The following JADE2 variants were observed in gnomAD, a reference collection of about 807,000 sequenced individuals.
The protein encoded by JADE2 is jade family PHD finger 2, also known as E3 ubiquitin-protein ligase Jade-2.
A neutral mutation model predicts 85.7 loss-of-function variants in JADE2; 13 were observed. The observed-to-expected ratio is 0.15, with a 90% CI of 0.10 to 0.24. The LOEUF (loss-of-function observed/expected upper bound fraction) is 0.24. Ranked by LOEUF, JADE2 falls within the 10% of genes least tolerant of loss-of-function variation. JADE2 has a pLI of 1.00. For synonymous variants in JADE2, 440 were observed against 456.1 expected (o/e 0.96, Z 0.45); for missense variants, 846 against 1,115.9 (o/e 0.76, Z 3.45).
Position 134,525,736 on chromosome 5 carries a change from G to A in JADE2, c.-276G>A, listed in dbSNP as rs75304543. 8.2e-7 allele frequency: 1 copy of A among 1,212,868 alleles called. No individual in the cohort carries two copies. 75.1% of individuals were successfully genotyped at this position (1,212,868 alleles called of 1,614,324 possible). A position where few individuals can be genotyped will look rare whatever the true frequency, so the allele number is the denominator to read the frequency against. On this transcript the variant is annotated 5_prime_UTR_variant, in exon 1 of 12. Coordinates refer to ENST00000681547, the MANE Select transcript of JADE2 (RefSeq NM_001388185.1). ...CCATCGCAGTTGGAGGCTATTTTTT[G>A]GGGGGGGTGAGTAGCGTCCATGGAG... is the stretch of plus-strand genomic sequence containing the variant.
At position 134,526,008 on chromosome 5, in the gene JADE2, C is replaced by T. The variant is rs1482937194; in HGVS notation, c.-4C>T. 3 of 985,494 alleles carry T rather than the reference C, an allele frequency of 3.0e-6. No homozygotes were observed. Among genetic ancestry groups the T allele is most frequent in the Admixed American group, 1.2e-4 (2 of 16,288 alleles). 61.0% of individuals were successfully genotyped at this position (985,494 alleles called of 1,614,324 possible). A position where few individuals can be genotyped will look rare whatever the true frequency, so the allele number is the denominator to read the frequency against. On this transcript the variant is annotated 5_prime_UTR_variant, in exon 1 of 12. Coordinates refer to ENST00000681547, the MANE Select transcript of JADE2 (RefSeq NM_001388185.1). Reference sequence around the variant, plus strand: ...CGCCCGTCAGGGGGGCACCGCGGAGCAAGGTAAGATCCAGCCCCCGGCGGA... The same window carrying T: ...CGCCCGTCAGGGGGGCACCGCGGAGTAAGGTAAGATCCAGCCCCCGGCGGA...
rs1483589410 is a variant in JADE2, at chr5:134,578,348, G to A, written c.1682-146G>A. On this transcript the variant is annotated intron_variant, in intron 11 of 11. Transcript: ENST00000681547. This position sits in a 1 kb window ranked among gnomAD's most constrained non-coding sequence, Gnocchi z 4.4. ...TTTGGTGGTGTTGGCAGGAGGGATG[G>A]ACAAAACAAGATAGCTCACCTGGGT... The A allele has an allele frequency of 1.5e-6, 1 of 661,256 alleles. No individual in the cohort carries two copies. The highest frequency in any genetic ancestry group is 2.7e-6 in the Non-Finnish European group (1 of 376,256). The allele number at this position is 661,256 out of a possible 1,614,324, so 41.0% of individuals were successfully genotyped here. A position where few individuals can be genotyped will look rare whatever the true frequency, so the allele number is the denominator to read the frequency against.
At chr5:134,557,220 TG>T (rs747325427) in intron 4 of JADE2, among the ~76,000 whole-genome samples, 66 of 151,352 alleles carry the variant, frequency 4.4e-4, no homozygotes, top group Non-Finnish European at 7.4e-4. Flanking sequence ...ATGATGATGA[TG>T]ATTATTATTT....
chr5:134,560,985 C>G (rs1257626736), intron 6 of JADE2, 28 bp downstream of exon 6: 2 of 1,595,310 alleles, frequency 1.3e-6, no homozygotes, highest in African/African-American at 2.7e-5. Context: ...TCACCCTCAC[C>G]TGTGCCATGT....
chr5:134,575,006 C>A, intron 10 of JADE2: 1 of 152,290 alleles, frequency 6.6e-6, no homozygotes, highest in African/African-American at 2.4e-5. Flanking sequence ...GAAGCCCATG[C>A]AAGGCACCCA....
chr5:134,527,107 G>A (rs1760892255), intron 1 of JADE2, among the ~76,000 whole-genome samples: 1 of 152,090 alleles, frequency 6.6e-6, no homozygotes, highest in Non-Finnish European at 1.5e-5. Context: ...GAGTGACATT[G>A]CAGCCCCCGC....
intron 1 of JADE2, among the ~76,000 whole-genome samples, chr5:134,533,904 A>C (rs1459323570): frequency 6.6e-6 from 1 of 151,968 alleles, no homozygotes; most frequent in Non-Finnish European, 1.5e-5. Context: ...GTGCCACTAC[A>C]ACTGGCTAAT....
intron 4 of JADE2, among the ~76,000 whole-genome samples, chr5:134,559,495 AC>A (rs1292708556): frequency 2.0e-5 from 3 of 152,164 alleles, no homozygotes; most frequent in Non-Finnish European, 4.4e-5. Flanking sequence ...AGGCCCCGCT[AC>A]CCTGATGGCA....
chr5:134,553,090 C>T (rs1180613499), intron 4 of JADE2, among the ~76,000 whole-genome samples: 1 of 150,834 alleles, frequency 6.6e-6, no homozygotes, highest in African/African-American at 2.4e-5. Flanking sequence ...ACCTCCCAGC[C>T]TCAAGTGATC....
At chr5:134,542,428 C>T (rs329303) in intron 3 of JADE2, among the ~76,000 whole-genome samples, 42,687 of 144,436 alleles carry the variant, frequency 0.3, 6,629 homozygotes, top group Non-Finnish European at 0.34. Context: ...ACCCTAGGTA[C>T]CTATACCTTT....
At position 134,579,552 on chromosome 5, in the gene JADE2, G is replaced by C. The variant is rs1764598020; in HGVS notation, c.*235G>C. 3.8e-6 allele frequency: 2 copies of C among 531,266 alleles called. No individual in the cohort carries two copies. The highest frequency in any genetic ancestry group is 6.7e-6 in the Non-Finnish European group (2 of 298,940). The allele number at this position is 531,266 out of a possible 1,614,324, so 32.9% of individuals were successfully genotyped here. A position where few individuals can be genotyped will look rare whatever the true frequency, so the allele number is the denominator to read the frequency against. ...GCTCCGGCCGCTAGGACCCTGCCAG[G>C]TCCCGCGCACCATCCCTGCCCTGCC... is the stretch of plus-strand genomic sequence containing the variant. On this transcript the variant is annotated 3_prime_UTR_variant, in exon 12 of 12. Coordinates refer to ENST00000681547, the MANE Select transcript of JADE2 (RefSeq NM_001388185.1). The surrounding 1 kb of genome is among the most constrained non-coding windows in gnomAD (Gnocchi z 4.6).
At chr5:134,548,361 T>G (rs1036867566) in intron 3 of JADE2, among the ~76,000 whole-genome samples, 4 of 152,196 alleles carry the variant, frequency 2.6e-5, no homozygotes, top group Admixed American at 6.5e-5. Flanking sequence ...GTGATTTAAT[T>G]AACCCGAGTC....
intron 3 of JADE2, among the ~76,000 whole-genome samples, chr5:134,548,263 C>T (rs1309758437): frequency 6.6e-6 from 1 of 152,204 alleles, no homozygotes; most frequent in African/African-American, 2.4e-5. Context: ...AACTCAAGGG[C>T]ATTAGGCAGT....
chr5:134,538,300 A>G (rs1761731644), intron 3 of JADE2, among the ~76,000 whole-genome samples: 1 of 152,232 alleles, frequency 6.6e-6, no homozygotes, highest in Non-Finnish European at 1.5e-5. Flanking sequence ...AAGCCTTTCA[A>G]GGATCTCAGA....
chr5:134,539,603 T>C (rs1326299667), intron 3 of JADE2, among the ~76,000 whole-genome samples: 1 of 152,212 alleles, frequency 6.6e-6, no homozygotes, highest in African/African-American at 2.4e-5. Context: ...AATTTCTCAG[T>C]CCTGTTGAAA....
intron 4 of JADE2, among the ~76,000 whole-genome samples, chr5:134,555,098 G>A (rs1042669448): frequency 5.9e-5 from 9 of 151,984 alleles, no homozygotes; most frequent in Admixed American, 3.9e-4. Context: ...CGTCATCCCA[G>A]CATGCTGGTT....
chr5:134,542,293 C>A (rs1762007987), intron 3 of JADE2, among the ~76,000 whole-genome samples: 1 of 152,174 alleles, frequency 6.6e-6, no homozygotes. Context: ...AATGGTGTAG[C>A]CATTGTTAGT....
chr5:134,557,449 A>G (rs1433215196), intron 4 of JADE2, among the ~76,000 whole-genome samples: 3 of 133,618 alleles, frequency 2.2e-5, no homozygotes, highest in African/African-American at 5.7e-5. Context: ...TTACATATGT[A>G]TACATGTGCC....
intron 3 of JADE2, among the ~76,000 whole-genome samples, chr5:134,547,139 T>C (rs1762341251): frequency 6.6e-6 from 1 of 152,194 alleles, no homozygotes; most frequent in Non-Finnish European, 1.5e-5. Flanking sequence ...AGCTAGACTT[T>C]TGAATGGTTG....
Sources: gnomAD v4.1 joint callset for allele counts (sites outside exome capture counted in the v4.1 genomes callset) on GRCh38, gnomAD v4.1.1 for gene constraint, Gnocchi (gnomAD v3.1) non-coding constraint, MANE v1.5 for transcripts, NCBI Gene and HGNC (gene_info 2026-07-23, HGNC 2026-07-21) for gene names.